Variants in HS6ST3 observed in about 807,000 individuals in gnomAD.
HS6ST3 encodes the protein heparan sulfate 6-O-sulfotransferase 3.
A neutral mutation model predicts 36.7 loss-of-function variants in HS6ST3; 12 were observed. The ratio of observed to expected loss-of-function variants is 0.33; its 90% CI spans 0.21 to 0.53. The LOEUF (loss-of-function observed/expected upper bound fraction) is 0.53, where lower values mean the gene tolerates loss of function less well. Ranked by LOEUF, HS6ST3 falls within the 20% of genes least tolerant of loss-of-function variation. The pLI, the probability that HS6ST3 is intolerant of heterozygous loss-of-function variation, is 0.95. For missense variants in HS6ST3, 584 were observed against 640.9 expected (o/e 0.91, Z 0.96); for synonymous variants, 240 against 257.5 (o/e 0.93, Z 0.65).
intron 1 of HS6ST3, among the ~76,000 whole-genome samples, chr13:96,368,455 T>G (rs2055274102): frequency 6.6e-6 from 1 of 151,740 alleles, no homozygotes. Context: ...ACTTCTCACA[T>G]CATAAGCATG....
chr13:96,172,225 C>T (rs535730706), intron 1 of HS6ST3, among the ~76,000 whole-genome samples: 57 of 152,352 alleles, frequency 3.7e-4, no homozygotes, highest in African/African-American at 1.4e-3. Context: ...CAGTGATCTT[C>T]ATGTGGATAC....
At chr13:96,410,952 A>G (rs2055504483) in intron 1 of HS6ST3, among the ~76,000 whole-genome samples, 2 of 152,190 alleles carry the variant, frequency 1.3e-5, no homozygotes, top group Admixed American at 6.6e-5. Flanking sequence ...TTGAAATTAT[A>G]TGTTAACCCT....
chr13:96,545,611 T>A (rs533668370), intron 1 of HS6ST3, among the ~76,000 whole-genome samples: 2 of 152,342 alleles, frequency 1.3e-5, no homozygotes, highest in Admixed American at 1.3e-4. Flanking sequence ...GAACCAAATC[T>A]CTATAAGGAG....
chr13:96,112,613 A>ATATATATATG (rs2053875789), intron 1 of HS6ST3, among the ~76,000 whole-genome samples: 8 of 110,728 alleles, frequency 7.2e-5, no homozygotes, highest in African/African-American at 2.6e-4. Flanking sequence ...ATATATATAT[A>ATATATATATG]TATATATATG....
chr13:96,787,249 G>A (rs552174699), intron 1 of HS6ST3, among the ~76,000 whole-genome samples: 2 of 152,246 alleles, frequency 1.3e-5, no homozygotes, highest in East Asian at 3.9e-4. Flanking sequence ...CCGAGGAGTA[G>A]GATGACTGGG....
chr13:96,124,193 C>G (rs565756685), intron 1 of HS6ST3, among the ~76,000 whole-genome samples: 3 of 152,246 alleles, frequency 2.0e-5, no homozygotes, highest in African/African-American at 7.2e-5. Context: ...GCTTATTACT[C>G]TCTTGATGGC....
At chr13:96,575,941 G>A (rs934738329) in intron 1 of HS6ST3, among the ~76,000 whole-genome samples, 3 of 152,296 alleles carry the variant, frequency 2.0e-5, no homozygotes, top group Middle Eastern at 6.8e-3. Context: ...CAGAAAACTC[G>A]TCAAGTGGAT....
chr13:96,287,170 C>A (rs1039850371), intron 1 of HS6ST3, among the ~76,000 whole-genome samples: 3 of 152,160 alleles, frequency 2.0e-5, no homozygotes, highest in East Asian at 1.9e-4. Flanking sequence ...AAAAGTAAAT[C>A]GGATGAGCCT....
chr13:96,693,305 A>C (rs1028616460), intron 1 of HS6ST3, among the ~76,000 whole-genome samples: 2 of 151,990 alleles, frequency 1.3e-5, no homozygotes, highest in African/African-American at 2.4e-5. Flanking sequence ...CCAGATTATT[A>C]TTATTATTAT....
intron 1 of HS6ST3, among the ~76,000 whole-genome samples, chr13:96,571,656 A>G (rs1023911392): frequency 2.6e-5 from 4 of 152,164 alleles, no homozygotes; most frequent in African/African-American, 9.7e-5. Context: ...AGAGAAGATT[A>G]CCCATGAGTC....
At chr13:96,470,988 C>A (rs2055837746) in intron 1 of HS6ST3, among the ~76,000 whole-genome samples, 1 of 152,140 alleles carries the variant, frequency 6.6e-6, no homozygotes, top group African/African-American at 2.4e-5. Context: ...AAATTTTATT[C>A]TTTTGTCTGA....
At chr13:96,803,691 G>GT (rs1190120014) in intron 1 of HS6ST3, among the ~76,000 whole-genome samples, 2 of 152,146 alleles carry the variant, frequency 1.3e-5, no homozygotes, top group Non-Finnish European at 2.9e-5. Flanking sequence ...CCTGTTGATA[G>GT]TTTTAGATCC....
At chr13:96,376,688 G>T (rs2055316604) in intron 1 of HS6ST3, among the ~76,000 whole-genome samples, 1 of 152,136 alleles carries the variant, frequency 6.6e-6, no homozygotes, top group African/African-American at 2.4e-5. Context: ...TCTATAAAAT[G>T]GGAAGAGTAA....
intron 1 of HS6ST3, among the ~76,000 whole-genome samples, chr13:96,167,530 G>T (rs1321184484): frequency 6.6e-6 from 1 of 152,166 alleles, no homozygotes. Context: ...AAACAGGGCT[G>T]CAAGAGGTCA....
intron 1 of HS6ST3, among the ~76,000 whole-genome samples, chr13:96,561,551 TAA>T (rs1350406706): frequency 2.0e-5 from 3 of 151,906 alleles, no homozygotes; most frequent in Non-Finnish European, 2.9e-5. Context: ...CTAAGTAAAT[TAA>T]AGAGCTTCTG....
rs71213623 is a variant in HS6ST3, at chr13:96,658,268, C to CTTTTTTTTTTTTTTTT, written c.708-174207_708-174192dup. 2.1e-3 allele frequency among the ~76,000 whole-genome samples: 158 copies of CTTTTTTTTTTTTTTTT among 76,130 alleles called. 18 individuals carry two copies. The highest frequency in any genetic ancestry group is 5.1e-3 in the East Asian group (10 of 1,944). The allele number at this position is 76,130 out of a possible 152,430, so 49.9% of individuals were successfully genotyped here. A position where few individuals can be genotyped will look rare whatever the true frequency, so the allele number is the denominator to read the frequency against. On this transcript the variant is annotated intron_variant, in intron 1 of 1. Transcript: ENST00000376705. The stretch of plus-strand genomic sequence containing the variant: ...TTCTTCTTCTTCTTCTCTTCTTCTT[C>CTTTTTTTTTTTTTTTT]TTTTTTTTTTTTTTTTTTTTTTTTT...
In HS6ST3 at chr13:96,130,001, T is replaced by C. The variant is rs1365398808; in HGVS notation, c.707+38432T>C. On this transcript the variant is annotated intron_variant, in intron 1 of 1. Coordinates refer to ENST00000376705, the MANE Select transcript of HS6ST3 (RefSeq NM_153456.4). ...AGCCCTAGGAAACAAATTAGCAAAC[T>C]AGTGTAGTGTGTCTCATTCCTGGTG... Among the ~76,000 whole-genome samples the C allele has an allele frequency of 2.0e-5, 3 of 152,172 alleles. No individual in the cohort carries two copies. In the East Asian group the frequency reaches 5.8e-4, roughly 29 times the overall value.
At position 96,464,947 on chromosome 13, in the gene HS6ST3, CGTGTGTGT is replaced by C. The variant is rs71113997; in HGVS notation, c.708-367509_708-367502del. On this transcript the variant is annotated intron_variant, in intron 1 of 1. Coordinates refer to ENST00000376705, the MANE Select transcript of HS6ST3 (RefSeq NM_153456.4). ...TATCTACTATATTGGCAAGATGCTT[CGTGTGTGT>C]GTGTGTGTGTGTGTGTGTGTGTGTG... is the stretch of plus-strand genomic sequence containing the variant. 3.8e-3 allele frequency among the ~76,000 whole-genome samples: 548 copies of C among 145,536 alleles called. 2 individuals are homozygous for C. The highest frequency in any genetic ancestry group is 4.8e-3 in the Non-Finnish European group (317 of 66,560).
intron 1 of HS6ST3, among the ~76,000 whole-genome samples, chr13:96,754,039 G>A (rs35773012): frequency 6.6e-6 from 1 of 152,090 alleles, no homozygotes; most frequent in Non-Finnish European, 1.5e-5. Context: ...GGCTGATCTC[G>A]AACTCCTGAC....
Sources: allele counts gnomAD v4.1 joint callset (sites outside exome capture counted in the v4.1 genomes callset), GRCh38; gene constraint gnomAD v4.1.1; transcripts MANE v1.5; gene names NCBI Gene and HGNC (gene_info 2026-07-23, HGNC 2026-07-21).